Variants in SMYD3 observed in about 807,000 individuals in gnomAD.
SMYD3 encodes SET and MYND domain containing 3.
In SMYD3, 36 loss-of-function variants were observed where a neutral mutation model predicts 57.7. The observed-to-expected ratio is 0.62, with a 90% CI of 0.48 to 0.82. The LOEUF is 0.82. Ranked by LOEUF, SMYD3 falls within the 40% of genes least tolerant of loss-of-function variation. The pLI is 0.00. For missense variants in SMYD3, 515 were observed against 538.8 expected, an observed-to-expected ratio of 0.96 and a Z score of 0.44; for synonymous variants, 211 against 195.0, an observed-to-expected ratio of 1.08 and a Z score of -0.68.
chr1:246,299,358 T>C (rs1378882778), intron 5 of SMYD3, among the ~76,000 whole-genome samples: 2 of 151,952 alleles, frequency 1.3e-5, no homozygotes, highest in African/African-American at 2.4e-5. Context: ...GTTGGTGAGG[T>C]TGCAGAGAAA....
chr1:246,349,560 T>G (rs911498619), intron 2 of SMYD3, among the ~76,000 whole-genome samples: 1 of 151,648 alleles, frequency 6.6e-6, no homozygotes, highest in African/African-American at 2.4e-5. Context: ...GTGAGGGGTG[T>G]TCAGGCCACT....
intron 11 of SMYD3, among the ~76,000 whole-genome samples, chr1:245,751,467 C>A (rs1258784697): frequency 6.6e-6 from 1 of 151,732 alleles, no homozygotes; most frequent in Admixed American, 6.6e-5. Flanking sequence ...CTTGAATGTT[C>A]CCTTTAGGCT....
intron 5 of SMYD3, among the ~76,000 whole-genome samples, chr1:246,043,044 C>T (rs1558177032): frequency 1.3e-5 from 2 of 151,466 alleles, no homozygotes; most frequent in Non-Finnish European, 2.9e-5. Flanking sequence ...TTTTTTCAGC[C>T]ATTGTCACTA....
chr1:245,980,173 C>T (rs2058561094), intron 5 of SMYD3, among the ~76,000 whole-genome samples: 1 of 152,252 alleles, frequency 6.6e-6, no homozygotes, highest in African/African-American at 2.4e-5. Context: ...TGATCTCTAT[C>T]ACAGGCTGCA....
At chr1:246,290,625 T>C (rs1192276475) in intron 5 of SMYD3, among the ~76,000 whole-genome samples, 1 of 152,198 alleles carries the variant, frequency 6.6e-6, no homozygotes, top group African/African-American at 2.4e-5. Flanking sequence ...GAGTTTCGTT[T>C]TCCTAATATC....
At chr1:245,952,229 C>T (rs957770792) in intron 5 of SMYD3, among the ~76,000 whole-genome samples, 1 of 151,914 alleles carries the variant, frequency 6.6e-6, no homozygotes, top group Non-Finnish European at 1.5e-5. Context: ...AAAAAATTAA[C>T]CAAAGCATTA....
intron 5 of SMYD3, among the ~76,000 whole-genome samples, chr1:246,291,738 T>C (rs1476909936): frequency 6.6e-6 from 1 of 152,196 alleles, no homozygotes; most frequent in Admixed American, 6.5e-5. Flanking sequence ...TTTATAATCA[T>C]AGTTAACTTG....
intron 1 of SMYD3, among the ~76,000 whole-genome samples, chr1:246,415,372 T>C (rs1285515318): frequency 1.3e-5 from 2 of 152,182 alleles, no homozygotes; most frequent in Non-Finnish European, 2.9e-5. Flanking sequence ...ATAGATAAAA[T>C]GTATATCGTA....
chr1:245,851,512 AT>A (rs1468375003), intron 10 of SMYD3, among the ~76,000 whole-genome samples: 1 of 152,190 alleles, frequency 6.6e-6, no homozygotes, highest in African/African-American at 2.4e-5. Context: ...GCCAAGGCAT[AT>A]CTAAAGGCCA....
chr1:246,040,485 G>A (rs763029457), intron 5 of SMYD3, among the ~76,000 whole-genome samples: 3 of 152,174 alleles, frequency 2.0e-5, no homozygotes, highest in South Asian at 2.1e-4. Context: ...TGATGCTGCC[G>A]TCTGAGCACT....
rs568416357 is a variant in SMYD3, at chr1:246,117,364, T to C, written c.532-187427A>G. Among the ~76,000 whole-genome samples the C allele has an allele frequency of 2.6e-3, 392 of 152,342 alleles. 2 individuals are homozygous for C. The highest frequency in any genetic ancestry group is 2.9e-3 in the Non-Finnish European group (200 of 68,034). On this transcript the variant is annotated intron_variant, in intron 5 of 11. Coordinates refer to ENST00000490107, the MANE Select transcript of SMYD3 (RefSeq NM_001167740.2). ...ATGTGGGCTTTCTAGTTGGTTTCTC[T>C]GCTGCCCCCTTCTGCTTCAACAAAA...
rs557322459 is a variant in SMYD3 at position 246,097,255 on chromosome 1, C to T, written c.532-167318G>A. On this transcript the variant is annotated intron_variant, in intron 5 of 11. Coordinates refer to ENST00000490107, the MANE Select transcript of SMYD3 (RefSeq NM_001167740.2). ...CCTGAGGAGGTCAGTGCTTGGCACACATTAAGAAAACAATAAATAGGGAGG... is the reference window on the plus strand; with the variant it reads ...CCTGAGGAGGTCAGTGCTTGGCACATATTAAGAAAACAATAAATAGGGAGG... Among the ~76,000 whole-genome samples, 5 of 152,096 alleles carry T rather than the reference C, an allele frequency of 3.3e-5. No individual in the cohort carries two copies. The South Asian group carries it at 1.0e-3, about 32-fold the overall frequency.
intron 8 of SMYD3, among the ~76,000 whole-genome samples, chr1:245,905,258 C>T (rs1396213347): frequency 1.3e-5 from 2 of 151,992 alleles, no homozygotes; most frequent in East Asian, 3.9e-4. Context: ...TCTTAGGTAC[C>T]AAGAACCCCA....
intron 1 of SMYD3, among the ~76,000 whole-genome samples, chr1:246,487,323 T>G (rs765598470): frequency 4.6e-5 from 7 of 152,034 alleles, no homozygotes; most frequent in Non-Finnish European, 8.8e-5. Context: ...GGTGCGCACC[T>G]GTAATCCCAG....
At chr1:246,115,129 T>C (rs1305781754) in intron 5 of SMYD3, among the ~76,000 whole-genome samples, 4 of 150,896 alleles carry the variant, frequency 2.7e-5, no homozygotes, top group Non-Finnish European at 4.4e-5. Context: ...GAAAGAAGTG[T>C]ACAGGGAGAG....
intron 8 of SMYD3, among the ~76,000 whole-genome samples, chr1:245,885,981 T>C (rs1478653913): frequency 6.6e-6 from 1 of 152,222 alleles, no homozygotes; most frequent in East Asian, 1.9e-4. Flanking sequence ...TTAACATGTT[T>C]TTATTTCAGT....
At chr1:246,222,024 C>T (rs1203380778) in intron 5 of SMYD3, among the ~76,000 whole-genome samples, 2 of 152,174 alleles carry the variant, frequency 1.3e-5, no homozygotes, top group East Asian at 3.8e-4. Context: ...GATGTTTTGG[C>T]TAGCATCTGA....
chr1:246,262,256 A>G (rs2064025649), intron 5 of SMYD3, among the ~76,000 whole-genome samples: 1 of 152,238 alleles, frequency 6.6e-6, no homozygotes, highest in African/African-American at 2.4e-5. Context: ...GGCAGAATAA[A>G]GCAAATAGAA....
intron 5 of SMYD3, among the ~76,000 whole-genome samples, chr1:245,938,054 T>C (rs990032602): frequency 6.6e-6 from 1 of 152,228 alleles, no homozygotes; most frequent in Non-Finnish European, 1.5e-5. Context: ...CTGCTTAAAG[T>C]AATCCCCAAA....
Sources: gnomAD v4.1 joint callset for allele counts (sites outside exome capture counted in the v4.1 genomes callset) on GRCh38, gnomAD v4.1.1 for gene constraint, MANE v1.5 for transcripts, NCBI Gene and HGNC (gene_info 2026-07-23, HGNC 2026-07-21) for gene names.